Variants in PTPRT observed in about 807,000 individuals in gnomAD.
PTPRT encodes the protein protein tyrosine phosphatase receptor type T, also known as receptor-type tyrosine-protein phosphatase T.
In PTPRT, 56 loss-of-function variants were observed where a neutral mutation model predicts 176.8. The ratio of observed to expected loss-of-function variants is 0.32; its 90% CI spans 0.26 to 0.40. PTPRT has a LOEUF of 0.40. Among genes scored for constraint, PTPRT ranks in the 10% least tolerant of loss-of-function variants. The pLI is 1.00. For missense variants in PTPRT, 1,540 were observed against 1,908.2 expected, an observed-to-expected ratio of 0.81 and a Z score of 3.60; for synonymous variants, 783 against 739.0, an observed-to-expected ratio of 1.06 and a Z score of -0.96.
At position 42,910,192 on chromosome 20, in the gene PTPRT, C is replaced by CA. The variant is rs1230393231; in HGVS notation, c.89-24261dup. Reference sequence around the variant, plus strand: ...AAATCCTGCTGCACGCTTGGGAGTTCAAAACTGTTTTGATTCGGATTCACA... The same window carrying CA: ...AAATCCTGCTGCACGCTTGGGAGTTCAAAAACTGTTTTGATTCGGATTCACA... On this transcript the variant is annotated intron_variant, in intron 1 of 30. Transcript: ENST00000373187. Among the ~76,000 whole-genome samples the CA allele has an allele frequency of 2.6e-5, 4 of 152,234 alleles. No homozygotes were observed. In the East Asian group the frequency reaches 7.7e-4, roughly 29 times the overall value.
In PTPRT at chr20:42,118,395, A is replaced by T; in HGVS notation, c.2982+8T>A. On this transcript the variant is annotated splice_region_variant and intron_variant, in intron 21 of 30. Transcript: ENST00000373187. ...TCCTCTGCCCAGGCGAGTGCAGGAG[A>T]GGCTTACCCTGCCCACTTCCACCAG... 6.2e-7 allele frequency: 1 copy of T among 1,605,106 alleles called. No individual in the cohort carries two copies. The highest frequency in any genetic ancestry group is 8.5e-7 in the Non-Finnish European group (1 of 1,175,306).
chr20:42,959,362 G>A (rs923099258), intron 1 of PTPRT, among the ~76,000 whole-genome samples: 14 of 152,156 alleles, frequency 9.2e-5, no homozygotes, highest in African/African-American at 3.1e-4. Context: ...CTAATTTCTC[G>A]CCCTAAACTA....
chr20:42,089,577 C>T (rs141585383), intron 27 of PTPRT, among the ~76,000 whole-genome samples: 14 of 152,316 alleles, frequency 9.2e-5, no homozygotes, highest in Admixed American at 5.2e-4. Context: ...TCTCTGCATT[C>T]GATTTTCTGG....
At chr20:43,047,131 C>T (rs1986869488) in intron 1 of PTPRT, among the ~76,000 whole-genome samples, 1 of 151,902 alleles carries the variant, frequency 6.6e-6, no homozygotes, top group Admixed American at 6.6e-5. Context: ...CCCCGATTCG[C>T]CCTCTGCCTT....
chr20:42,632,970 G>A lies in PTPRT; in HGVS notation c.1153+44896C>T, dbSNP rs528833414. ...TATTCATAAATAGGACATCTATTTG[G>A]CAAAGTAGAAGTTAGGAAGTACCCA... is the stretch of plus-strand genomic sequence containing the variant. On this transcript the variant is annotated intron_variant, in intron 7 of 30. Coordinates refer to ENST00000373187, the MANE Select transcript of PTPRT (RefSeq NM_007050.6). Among the ~76,000 whole-genome samples the A allele has an allele frequency of 1.4e-4, 22 of 152,228 alleles. No individual in the cohort carries two copies. In the East Asian group the frequency reaches 4.2e-3, roughly 29 times the overall value.
intron 9 of PTPRT, among the ~76,000 whole-genome samples, chr20:42,433,178 T>A (rs1044940126): frequency 6.6e-6 from 1 of 152,148 alleles, no homozygotes; most frequent in Non-Finnish European, 1.5e-5. Flanking sequence ...CACCATCTGC[T>A]TTATCTTCTT....
At chr20:42,417,106 C>A (rs1375740002) in intron 9 of PTPRT, among the ~76,000 whole-genome samples, 1 of 152,082 alleles carries the variant, frequency 6.6e-6, no homozygotes, top group Non-Finnish European at 1.5e-5. Flanking sequence ...AGTAAAGGGC[C>A]CTGTACAGAA....
chr20:42,445,052 G>C (rs190218754), intron 9 of PTPRT, among the ~76,000 whole-genome samples: 5 of 152,116 alleles, frequency 3.3e-5, no homozygotes, highest in Admixed American at 1.3e-4. Context: ...CAAGGATCTT[G>C]TTAAACTGGA....
chr20:42,444,372 C>T (rs1412087234), intron 9 of PTPRT, among the ~76,000 whole-genome samples: 1 of 152,168 alleles, frequency 6.6e-6, no homozygotes, highest in African/African-American at 2.4e-5. Flanking sequence ...TTCATTCTTA[C>T]CCAGTTGAAG....
chr20:42,892,596 C>T (rs1046897913), intron 1 of PTPRT, among the ~76,000 whole-genome samples: 2 of 152,184 alleles, frequency 1.3e-5, no homozygotes, highest in African/African-American at 2.4e-5. Context: ...TTTTGATGAA[C>T]GTGGCTGGAG....
intron 4 of PTPRT, among the ~76,000 whole-genome samples, chr20:42,776,747 T>C (rs943155057): frequency 1.2e-4 from 18 of 148,332 alleles, no homozygotes; most frequent in Non-Finnish European, 5.9e-5. Context: ...GATATGCTTA[T>C]ATAATTATAA....
At chr20:42,814,446 G>A (rs1247763584) in intron 2 of PTPRT, among the ~76,000 whole-genome samples, 1 of 152,136 alleles carries the variant, frequency 6.6e-6, no homozygotes, top group Non-Finnish European at 1.5e-5. Context: ...GATAATATAT[G>A]TAAATTGCTT....
chr20:42,660,496 T>C lies in PTPRT; in HGVS notation c.1153+17370A>G, dbSNP rs190998166. Among the ~76,000 whole-genome samples, 93 of 152,334 alleles carry C rather than the reference T, an allele frequency of 6.1e-4. 2 individuals carry two copies. The East Asian group carries it at 0.017, about 28-fold the overall frequency. ...ACAAACCCTCTATTAGTTAATGAGCTAAATATAAGACATGAAACCATTAAA... is the reference window on the plus strand; with the variant it reads ...ACAAACCCTCTATTAGTTAATGAGCCAAATATAAGACATGAAACCATTAAA... On this transcript the variant is annotated intron_variant, in intron 7 of 30. Coordinates refer to ENST00000373187, the MANE Select transcript of PTPRT (RefSeq NM_007050.6).
chr20:42,626,940 T>C (rs753558696), intron 7 of PTPRT, among the ~76,000 whole-genome samples: 23 of 152,224 alleles, frequency 1.5e-4, no homozygotes, highest in Non-Finnish European at 2.5e-4. Flanking sequence ...TGAGAACCAC[T>C]GTCATTCATT....
At chr20:42,755,360 G>C (rs2076816100) in intron 6 of PTPRT, among the ~76,000 whole-genome samples, 1 of 152,148 alleles carries the variant, frequency 6.6e-6, no homozygotes. Context: ...AACTTAGGAG[G>C]CCTCAAAGGC....
At chr20:43,085,998 A>G (rs1427468132) in intron 1 of PTPRT, among the ~76,000 whole-genome samples, 2 of 152,252 alleles carry the variant, frequency 1.3e-5, no homozygotes, top group East Asian at 3.9e-4. Flanking sequence ...TCAAGGAAAC[A>G]GTCACTTGCC....
intron 7 of PTPRT, among the ~76,000 whole-genome samples, chr20:42,668,029 T>C (rs528418044): frequency 2.6e-5 from 4 of 152,324 alleles, no homozygotes; most frequent in Non-Finnish European, 5.9e-5. Flanking sequence ...TTTCAGTCTC[T>C]GGAACTTCTA....
At chr20:42,781,622 G>C (rs1239570583) in intron 3 of PTPRT, among the ~76,000 whole-genome samples, 1 of 152,068 alleles carries the variant, frequency 6.6e-6, no homozygotes, top group Non-Finnish European at 1.5e-5. Context: ...TTCAGCAGCA[G>C]GTTTTCTCTA....
intron 16 of PTPRT, among the ~76,000 whole-genome samples, chr20:42,195,369 C>T (rs1991172699): frequency 6.6e-6 from 1 of 152,214 alleles, no homozygotes; most frequent in Non-Finnish European, 1.5e-5. Context: ...GACACCGATT[C>T]AGAGGCCAGA....
Sources: allele counts gnomAD v4.1 joint callset (sites outside exome capture counted in the v4.1 genomes callset), GRCh38; gene constraint gnomAD v4.1.1; transcripts MANE v1.5; gene names NCBI Gene and HGNC (gene_info 2026-07-23, HGNC 2026-07-21).